The following CYP7B1 variants were observed in gnomAD, a reference collection of about 807,000 sequenced individuals.
CYP7B1 encodes the protein cytochrome P450 7B1.
A neutral mutation model predicts 42.7 loss-of-function variants in CYP7B1; 29 were observed. The ratio of observed to expected loss-of-function variants is 0.68; its 90% CI spans 0.51 to 0.93. CYP7B1 has a LOEUF of 0.93. CYP7B1 is among the 40% of genes least tolerant of loss of function. The pLI is 0.00. For missense variants in CYP7B1, 655 were observed against 600.5 expected, an observed-to-expected ratio of 1.09 and a Z score of -0.95; for synonymous variants, 235 against 218.2, an observed-to-expected ratio of 1.08 and a Z score of -0.68.
intron 1 of CYP7B1, among the ~76,000 whole-genome samples, chr8:64,769,243 T>C (rs187142795): frequency 8.5e-5 from 13 of 152,332 alleles, no homozygotes; most frequent in African/African-American, 3.1e-4. Flanking sequence ...CACCATGCCT[T>C]GATGAAAACA....
chr8:64,766,763 C>A (rs897542636), intron 1 of CYP7B1, among the ~76,000 whole-genome samples: 2 of 152,184 alleles, frequency 1.3e-5, no homozygotes, highest in African/African-American at 4.8e-5. Context: ...GAGTCAGAAG[C>A]CACTAACCAG....
At chr8:64,726,469 T>A (rs1244199231) in intron 1 of CYP7B1, among the ~76,000 whole-genome samples, 3 of 152,270 alleles carry the variant, frequency 2.0e-5, no homozygotes. Flanking sequence ...GTTAAAAAAG[T>A]ACATAATAAA....
intron 1 of CYP7B1, among the ~76,000 whole-genome samples, chr8:64,697,543 G>A (rs1165644322): frequency 6.6e-6 from 1 of 152,142 alleles, no homozygotes; most frequent in Non-Finnish European, 1.5e-5. Flanking sequence ...CTCCAGGTTG[G>A]ACATAATAAG....
chr8:64,680,801 T>C (rs2129631934), intron 1 of CYP7B1, among the ~76,000 whole-genome samples: 1 of 152,302 alleles, frequency 6.6e-6, no homozygotes, highest in Non-Finnish European at 1.5e-5. Flanking sequence ...TATGTTATAT[T>C]TGTGAGAAAG....
Position 64,596,840 on chromosome 8 carries a change from C to T in CYP7B1, c.1323G>A (p.Pro441=), listed in dbSNP as rs201281307. 2.5e-5 allele frequency: 41 copies of T among 1,613,998 alleles called. No homozygotes were observed. The highest frequency in any genetic ancestry group is 9.3e-5 in the African/African-American group (7 of 75,022). The change falls in exon 6 of 6, where the codon CCG becomes CCA. Residue 441 remains proline, a synonymous_variant. Transcript: ENST00000310193. ...GACATTTGCTGGTTCCAGTTCCAAA[C>T]GGCATTAGGTAACACTTCAGCTTTT... ...RGKKLKCYLM[P]FGTGTSKCPG...
intron 1 of CYP7B1, among the ~76,000 whole-genome samples, chr8:64,737,848 G>C (rs1807512312): frequency 6.6e-6 from 1 of 152,196 alleles, no homozygotes; most frequent in South Asian, 2.1e-4. Context: ...TAGCCAACAG[G>C]TTATTCCCGA....
chr8:64,670,599 G>A (rs766487197), intron 1 of CYP7B1, among the ~76,000 whole-genome samples: 81 of 152,222 alleles, frequency 5.3e-4, no homozygotes, highest in African/African-American at 1.7e-3. Flanking sequence ...AGGCAGGAGC[G>A]CCACTCATTC....
In CYP7B1 at chr8:64,683,802, C is replaced by CT. The variant is rs946253176; in HGVS notation, c.123-59264dup. On this transcript the variant is annotated intron_variant, in intron 1 of 5. Transcript: ENST00000310193. Reference sequence around the variant, plus strand: ...ATGTTCTAGTGAGCCTTTAAAAATACTTTTTTTTTTCCCTGTTCCTACACC... The same window carrying CT: ...ATGTTCTAGTGAGCCTTTAAAAATACTTTTTTTTTTTCCCTGTTCCTACACC... Among the ~76,000 whole-genome samples the CT allele has an allele frequency of 2.9e-4, 43 of 150,098 alleles. No homozygotes were observed. The South Asian group carries it at 4.0e-3, about 14-fold the overall frequency.
downstream of CYP7B1, among the ~76,000 whole-genome samples, chr8:64,588,294 C>A (rs1352891720): frequency 6.6e-6 from 1 of 152,148 alleles, no homozygotes; most frequent in Non-Finnish European, 1.5e-5. Context: ...AACTGCTAAC[C>A]ACCCATAAAT....
intron 1 of CYP7B1, among the ~76,000 whole-genome samples, chr8:64,762,109 C>T (rs1807899370): frequency 6.6e-6 from 1 of 152,114 alleles, no homozygotes; most frequent in Admixed American, 6.5e-5. Context: ...TGGAAAGCCA[C>T]AGAATATAGT....
At chr8:64,651,261 C>T (rs1362501461) in intron 1 of CYP7B1, among the ~76,000 whole-genome samples, 1 of 152,202 alleles carries the variant, frequency 6.6e-6, no homozygotes, top group South Asian at 2.1e-4. Flanking sequence ...ACTCCCAAGA[C>T]TACACTGCAG....
At chr8:64,753,070 G>T (rs1807753649) in intron 1 of CYP7B1, among the ~76,000 whole-genome samples, 1 of 152,092 alleles carries the variant, frequency 6.6e-6, no homozygotes, top group African/African-American at 2.4e-5. Flanking sequence ...TCCTGTGTTT[G>T]AAATGTTATT....
At chr8:64,659,014 G>A (rs893468359) in intron 1 of CYP7B1, among the ~76,000 whole-genome samples, 12 of 152,182 alleles carry the variant, frequency 7.9e-5, no homozygotes, top group Non-Finnish European at 1.3e-4. Flanking sequence ...GTCATTGACC[G>A]TGATGTGCAT....
Position 64,634,797 on chromosome 8 carries a change from A to T in CYP7B1, c.123-10258T>A, listed in dbSNP as rs142825729. Among the ~76,000 whole-genome samples the T allele has an allele frequency of 1.1e-4, 17 of 152,194 alleles. No individual in the cohort carries two copies. The East Asian group carries it at 3.1e-3, about 28-fold the overall frequency. On this transcript the variant is annotated intron_variant, in intron 1 of 5. Coordinates refer to ENST00000310193, the MANE Select transcript of CYP7B1 (RefSeq NM_004820.5). ...ATGAGGACAAGCAGAACCTACCTGA[A>T]CTGTACTCCAAAAATGAAGAGTAGA...
At chr8:64,700,067 A>G (rs1320927557) in intron 1 of CYP7B1, among the ~76,000 whole-genome samples, 5 of 152,166 alleles carry the variant, frequency 3.3e-5, no homozygotes, top group Non-Finnish European at 7.4e-5. Context: ...ACAAAACTGT[A>G]GAATGTGCTG....
intron 1 of CYP7B1, among the ~76,000 whole-genome samples, chr8:64,667,711 C>T (rs1458245985): frequency 6.6e-6 from 1 of 152,136 alleles, no homozygotes. Flanking sequence ...TTTTTATCCA[C>T]ACTTGCAAAA....
intron 1 of CYP7B1, among the ~76,000 whole-genome samples, chr8:64,737,743 C>T (rs546710489): frequency 6.6e-6 from 1 of 152,228 alleles, no homozygotes; most frequent in Admixed American, 6.5e-5. Flanking sequence ...TTCAGGTTTG[C>T]TGACTAAATT....
At chr8:64,650,257 T>C (rs1806017892) in intron 1 of CYP7B1, among the ~76,000 whole-genome samples, 1 of 152,198 alleles carries the variant, frequency 6.6e-6, no homozygotes, top group Non-Finnish European at 1.5e-5. Flanking sequence ...CTGTTCCTAA[T>C]AATAAAATGA....
intron 1 of CYP7B1, among the ~76,000 whole-genome samples, chr8:64,786,173 C>T (rs898307598): frequency 6.6e-6 from 1 of 152,100 alleles, no homozygotes; most frequent in Non-Finnish European, 1.5e-5. Flanking sequence ...TGGCCCCTCC[C>T]AAATCTCATC....
Sources: allele counts gnomAD v4.1 joint callset (sites outside exome capture counted in the v4.1 genomes callset), GRCh38; gene constraint gnomAD v4.1.1; transcripts MANE v1.5; gene names NCBI Gene and HGNC (gene_info 2026-07-23, HGNC 2026-07-21).